The following LIN7A variants were observed in gnomAD, a reference collection of about 807,000 sequenced individuals.
LIN7A encodes lin-7 cell polarity scaffold A.
In LIN7A, 25 loss-of-function variants were observed where a neutral mutation model predicts 29.8. The ratio of observed to expected loss-of-function variants is 0.84; its 90% CI spans 0.61 to 1.17. The LOEUF is 1.17. Ranked by LOEUF, LIN7A falls within the 50% of genes most tolerant of loss-of-function variation. The pLI is 0.00. For missense variants in LIN7A, 239 were observed against 287.0 expected (o/e 0.83, Z 1.21); for synonymous variants, 118 against 107.5 (o/e 1.10, Z -0.60).
intron 1 of LIN7A, among the ~76,000 whole-genome samples, chr12:80,928,812 T>C (rs894149453): frequency 6.6e-6 from 1 of 151,988 alleles, no homozygotes; most frequent in Non-Finnish European, 1.5e-5. Flanking sequence ...TCTTCTAGGG[T>C]TTTTTATGAT....
intron 1 of LIN7A, among the ~76,000 whole-genome samples, chr12:80,908,279 T>C (rs571319004): frequency 1.3e-5 from 2 of 152,210 alleles, no homozygotes; most frequent in East Asian, 1.9e-4. Flanking sequence ...GTACCAACCG[T>C]AAGAATGATT....
chr12:80,830,344 G>C (rs1177197690), intron 4 of LIN7A, among the ~76,000 whole-genome samples: 1 of 152,116 alleles, frequency 6.6e-6, no homozygotes, highest in Non-Finnish European at 1.5e-5. Flanking sequence ...AGAAAACTAA[G>C]GTTCAGATAA....
Position 80,889,452 on chromosome 12 carries a change from A to G in LIN7A, c.83-83T>C. ...AAAGTACTATTATTCCAGTTGGATGATGACATTGAAAAGCAAGTGGACTTA... is the reference window on the plus strand; with the variant it reads ...AAAGTACTATTATTCCAGTTGGATGGTGACATTGAAAAGCAAGTGGACTTA... On this transcript the variant is annotated intron_variant, in intron 1 of 5. Transcript: ENST00000552864. 3 of 854,916 alleles carry G rather than the reference A, an allele frequency of 3.5e-6. No homozygotes were observed. The South Asian group carries it at 4.6e-5, about 13-fold the overall frequency. The allele number at this position is 854,916 out of a possible 1,614,324, so 53.0% of individuals were successfully genotyped here. A position where few individuals can be genotyped will look rare whatever the true frequency, so the allele number is the denominator to read the frequency against.
At chr12:80,879,243 T>C (rs950658666) in intron 2 of LIN7A, among the ~76,000 whole-genome samples, 1 of 151,922 alleles carries the variant, frequency 6.6e-6, no homozygotes, top group Non-Finnish European at 1.5e-5. Flanking sequence ...ATAGACCTTA[T>C]TAATTAGTCT....
rs575546114 is a variant in LIN7A at position 80,812,843 on chromosome 12, A to G, written c.484-1160T>C. 5.3e-5 allele frequency among the ~76,000 whole-genome samples: 8 copies of G among 152,182 alleles called. No individual in the cohort carries two copies. The South Asian group carries it at 1.7e-3, about 32-fold the overall frequency. On this transcript the variant is annotated intron_variant, in intron 4 of 5. Coordinates refer to ENST00000552864, the MANE Select transcript of LIN7A (RefSeq NM_004664.4). ...TGGGAGTACAGGCATGAGCCACCAC[A>G]CCCAGCCTGCCCTTCATTCTTCTAA...
chr12:80,902,233 T>TG (rs398020305), intron 1 of LIN7A, among the ~76,000 whole-genome samples: 1 of 138,460 alleles, frequency 7.2e-6, no homozygotes, highest in East Asian at 2.0e-4. Context: ...TTTTTTTTTT[T>TG]GTACCAGTAC....
At chr12:80,917,542 G>GT (rs996992712) in intron 1 of LIN7A, among the ~76,000 whole-genome samples, 2 of 151,754 alleles carry the variant, frequency 1.3e-5, no homozygotes, top group African/African-American at 4.8e-5. Context: ...TAAAATGTTT[G>GT]TTTTTTTAAA....
intron 2 of LIN7A, among the ~76,000 whole-genome samples, chr12:80,862,070 A>G (rs1873908618): frequency 6.6e-6 from 1 of 152,222 alleles, no homozygotes; most frequent in African/African-American, 2.4e-5. Flanking sequence ...CTCTAAATAG[A>G]GAAATAGATG....
Position 80,811,531 on chromosome 12 carries a change from C to A in LIN7A, c.636G>T (p.Gln212His). The A allele has an allele frequency of 6.2e-7, 1 of 1,611,190 alleles. No homozygotes were observed. Among genetic ancestry groups the A allele is most frequent in the Non-Finnish European group, 8.5e-7 (1 of 1,178,292 alleles). ...GTTGCTGCTGCTGAATTAGCAATTG[C>A]TGCTGCTGCCGACGCCTGGCTGTTC... The part of the protein sequence containing the change: ...KLRTARRRQQ[Q>H]QLLIQQQQQQ... The change falls in exon 5 of 6, where the codon CAG (glutamine) becomes CAT (histidine). Residue 212 changes from glutamine (Q) to histidine (H), a missense_variant. Gln to His is a conservative substitution (Grantham distance 24, BLOSUM62 0). Transcript: ENST00000552864.
At chr12:80,812,211 G>A (rs1439946576) in intron 4 of LIN7A, among the ~76,000 whole-genome samples, 3 of 151,742 alleles carry the variant, frequency 2.0e-5, no homozygotes, top group Non-Finnish European at 2.9e-5. Flanking sequence ...AAGGAGAAAA[G>A]GACTATTAAC....
At chr12:80,877,139 G>C (rs372706243) in intron 2 of LIN7A, among the ~76,000 whole-genome samples, 12 of 77,140 alleles carry the variant, frequency 1.6e-4, no homozygotes, top group Non-Finnish European at 1.5e-4. Context: ...AAAAAAAAAA[G>C]TTAAATATTC....
chr12:80,866,725 A>G (rs1182943978), intron 2 of LIN7A, among the ~76,000 whole-genome samples: 1 of 152,164 alleles, frequency 6.6e-6, no homozygotes, highest in Non-Finnish European at 1.5e-5. Context: ...AAACACTGAG[A>G]AAAACTAATA....
chr12:80,858,649 C>T (rs1013277529), intron 2 of LIN7A, among the ~76,000 whole-genome samples: 2 of 151,944 alleles, frequency 1.3e-5, no homozygotes, highest in Non-Finnish European at 2.9e-5. Flanking sequence ...TTTCAATTAG[C>T]ATAGTACCAT....
chr12:80,931,165 T>G (rs1374377261), intron 1 of LIN7A, among the ~76,000 whole-genome samples: 12 of 152,178 alleles, frequency 7.9e-5, no homozygotes, highest in Admixed American at 7.9e-4. Context: ...TTAGTTGTGA[T>G]CCCTGAAAAA....
At chr12:80,831,986 A>G (rs913835154) in intron 4 of LIN7A, among the ~76,000 whole-genome samples, 2 of 152,208 alleles carry the variant, frequency 1.3e-5, no homozygotes, top group African/African-American at 4.8e-5. Flanking sequence ...GATCCATTGT[A>G]AAACTGAGAG....
chr12:80,910,970 G>T (rs1876718188), intron 1 of LIN7A, among the ~76,000 whole-genome samples: 1 of 152,070 alleles, frequency 6.6e-6, no homozygotes, highest in Non-Finnish European at 1.5e-5. Flanking sequence ...GTATTTCTTT[G>T]TTATATGCTT....
At chr12:80,840,697 C>T (rs1872768127) in intron 4 of LIN7A, among the ~76,000 whole-genome samples, 2 of 152,198 alleles carry the variant, frequency 1.3e-5, no homozygotes, top group South Asian at 2.1e-4. Flanking sequence ...GCCTACTCAT[C>T]TGCCTCAGAG....
intron 5 of LIN7A, among the ~76,000 whole-genome samples, chr12:80,805,622 T>A (rs1870938525): frequency 1.3e-5 from 2 of 152,084 alleles, no homozygotes; most frequent in African/African-American, 2.4e-5. Flanking sequence ...TTTTTGAGAA[T>A]CTGGGTGAAA....
At chr12:80,880,933 T>C (rs185463907) in intron 2 of LIN7A, among the ~76,000 whole-genome samples, 3 of 152,182 alleles carry the variant, frequency 2.0e-5, no homozygotes, top group Non-Finnish European at 4.4e-5. Flanking sequence ...ATTGGCAAAA[T>C]ACCAGAGTTC....
Sources: gnomAD v4.1 joint callset for allele counts (sites outside exome capture counted in the v4.1 genomes callset) on GRCh38, gnomAD v4.1.1 for gene constraint, MANE v1.5 for transcripts, NCBI Gene and HGNC (gene_info 2026-07-23, HGNC 2026-07-21) for gene names.